The following CALN1 variants were observed in gnomAD, a reference collection of about 807,000 sequenced individuals.
The protein encoded by CALN1 is calcium-binding protein 8.
Under a neutral mutation model 30.6 loss-of-function variants are expected in CALN1, and 17 were observed. The observed-to-expected ratio is 0.56, with a 90% CI of 0.38 to 0.83. CALN1 has a LOEUF of 0.83. Ranked by LOEUF, CALN1 falls within the 40% of genes least tolerant of loss-of-function variation. The pLI is 0.00. For synonymous variants in CALN1, 156 were observed against 131.4 expected (o/e 1.19, Z -1.28); for missense variants, 291 against 354.9 (o/e 0.82, Z 1.45).
At chr7:71,885,127 C>G (rs1792821491) in intron 5 of CALN1, among the ~76,000 whole-genome samples, 1 of 152,138 alleles carries the variant, frequency 6.6e-6, no homozygotes, top group Non-Finnish European at 1.5e-5. Flanking sequence ...AGTTGTCCTG[C>G]CTTTCTGGAC....
At chr7:72,155,721 A>G (rs1475982272) in intron 3 of CALN1, among the ~76,000 whole-genome samples, 1 of 151,828 alleles carries the variant, frequency 6.6e-6, no homozygotes, top group Non-Finnish European at 1.5e-5. Context: ...AATTACCCTA[A>G]CTCTATGGCT....
chr7:72,332,731 C>T (rs978066695), intron 2 of CALN1, among the ~76,000 whole-genome samples: 5 of 152,132 alleles, frequency 3.3e-5, no homozygotes, highest in South Asian at 2.1e-4. Flanking sequence ...TCTTTATTGA[C>T]GTTGTTAGCC....
At chr7:72,334,681 G>C (rs576814212) in intron 2 of CALN1, among the ~76,000 whole-genome samples, 2 of 152,352 alleles carry the variant, frequency 1.3e-5, no homozygotes, top group African/African-American at 4.8e-5. Flanking sequence ...GTTGCTTTCA[G>C]AGTTCAGGGA....
At chr7:72,157,801 T>C (rs2129544624) in intron 3 of CALN1, among the ~76,000 whole-genome samples, 1 of 152,308 alleles carries the variant, frequency 6.6e-6, no homozygotes, top group Admixed American at 6.5e-5. Flanking sequence ...AGGAGTGCAG[T>C]GGCACAATCT....
At chr7:72,247,091 C>T (rs1430548457) in intron 3 of CALN1, among the ~76,000 whole-genome samples, 4 of 151,636 alleles carry the variant, frequency 2.6e-5, no homozygotes, top group Non-Finnish European at 4.4e-5. Context: ...TCACAGACAG[C>T]CCAGTGTATG....
At chr7:72,230,012 G>T (rs1793972430) in intron 3 of CALN1, among the ~76,000 whole-genome samples, 1 of 151,626 alleles carries the variant, frequency 6.6e-6, no homozygotes, top group African/African-American at 2.4e-5. Flanking sequence ...GTGGTGGTGG[G>T]CGCCTGTAGT....
intron 3 of CALN1, among the ~76,000 whole-genome samples, chr7:72,173,328 T>C (rs927339146): frequency 1.3e-5 from 2 of 152,126 alleles, no homozygotes; most frequent in Non-Finnish European, 2.9e-5. Flanking sequence ...TAAATGAATA[T>C]ATATATATAT....
At chr7:72,116,312 A>G (rs980409953) in intron 3 of CALN1, among the ~76,000 whole-genome samples, 1 of 152,212 alleles carries the variant, frequency 6.6e-6, no homozygotes. Context: ...TCAAGGACTT[A>G]AATGAGACTA....
At chr7:72,261,692 T>G (rs1480178949) in intron 3 of CALN1, among the ~76,000 whole-genome samples, 1 of 152,174 alleles carries the variant, frequency 6.6e-6, no homozygotes, top group Non-Finnish European at 1.5e-5. Context: ...CCTCCAGAAG[T>G]GCTGGGATTA....
At chr7:72,261,617 G>A (rs1796279270) in intron 3 of CALN1, among the ~76,000 whole-genome samples, 1 of 152,010 alleles carries the variant, frequency 6.6e-6, no homozygotes, top group Non-Finnish European at 1.5e-5. Flanking sequence ...CTGTAGAGAT[G>A]GGATCTTCCT....
intron 5 of CALN1, among the ~76,000 whole-genome samples, chr7:71,955,986 C>G (rs1796940908): frequency 1.1e-5 from 1 of 87,822 alleles, no homozygotes; most frequent in South Asian, 4.9e-4. Flanking sequence ...CATGTATGTT[C>G]TGGATTTTTT....
At chr7:72,187,253 C>G (rs1053590154) in intron 3 of CALN1, among the ~76,000 whole-genome samples, 2 of 152,080 alleles carry the variant, frequency 1.3e-5, no homozygotes, top group Non-Finnish European at 2.9e-5. Context: ...GTTATCTCAG[C>G]CTTTCATCCT....
rs141611425 is a variant in CALN1 at position 72,191,038 on chromosome 7, C to G, written c.245-84744G>C. The stretch of plus-strand genomic sequence containing the variant: ...AAAGCGACTATTGTACGGCAAGAAC[C>G]AGGCATGAAAAATGGCCAAGACGTA... On this transcript the variant is annotated intron_variant, in intron 3 of 6. Transcript: ENST00000395275. 8.5e-5 allele frequency among the ~76,000 whole-genome samples: 13 copies of G among 152,290 alleles called. No individual in the cohort carries two copies. The East Asian group carries it at 2.1e-3, about 25-fold the overall frequency.
intron 2 of CALN1, among the ~76,000 whole-genome samples, chr7:72,371,147 A>T (rs1287828408): frequency 1.3e-5 from 2 of 151,888 alleles, no homozygotes; most frequent in Middle Eastern, 3.4e-3. Context: ...ATTTTTAAAA[A>T]TTTGCCTAAC....
intron 2 of CALN1, among the ~76,000 whole-genome samples, chr7:72,283,294 G>A (rs1268477353): frequency 6.6e-6 from 1 of 152,174 alleles, no homozygotes; most frequent in Non-Finnish European, 1.5e-5. Flanking sequence ...GGAGGCCAAG[G>A]AGGGAGGATC....
chr7:72,178,614 G>A lies in CALN1; in HGVS notation c.245-72320C>T, dbSNP rs1020331880. 7.2e-5 allele frequency among the ~76,000 whole-genome samples: 11 copies of A among 151,894 alleles called. No homozygotes were observed. The East Asian group carries it at 7.7e-4, about 11-fold the overall frequency. On this transcript the variant is annotated intron_variant, in intron 3 of 6. Transcript: ENST00000395275. ...TGAGGCAGGAGAATCATTTGAACTCGGGAGGCGGAGGTTGCAGTGAGCCGA... is the reference window on the plus strand; with the variant it reads ...TGAGGCAGGAGAATCATTTGAACTCAGGAGGCGGAGGTTGCAGTGAGCCGA...
chr7:72,357,303 T>A (rs923683723), intron 2 of CALN1, among the ~76,000 whole-genome samples: 1 of 151,966 alleles, frequency 6.6e-6, no homozygotes, highest in African/African-American at 2.4e-5. Flanking sequence ...TCTGGCGATG[T>A]GGTTGGACTC....
At chr7:72,233,923 G>A (rs1281646713) in intron 3 of CALN1, among the ~76,000 whole-genome samples, 3 of 152,088 alleles carry the variant, frequency 2.0e-5, no homozygotes, top group African/African-American at 7.2e-5. Context: ...AGAATCGCTT[G>A]AGCCTGGGAG....
chr7:71,929,573 T>C (rs1795443997), intron 5 of CALN1, among the ~76,000 whole-genome samples: 2 of 152,272 alleles, frequency 1.3e-5, no homozygotes, highest in Admixed American at 6.5e-5. Context: ...GTCCTTGCTA[T>C]TGTGAATCAT....
Sources: allele counts gnomAD v4.1 joint callset (sites outside exome capture counted in the v4.1 genomes callset), GRCh38; gene constraint gnomAD v4.1.1; transcripts MANE v1.5; gene names NCBI Gene and HGNC (gene_info 2026-07-23, HGNC 2026-07-21).